The following SSBP2 variants were observed in gnomAD, a reference collection of about 807,000 sequenced individuals.
SSBP2 encodes the protein single stranded DNA binding protein 2.
A neutral mutation model predicts 61.8 loss-of-function variants in SSBP2; 17 were observed. The ratio of observed to expected loss-of-function variants is 0.28; its 90% CI spans 0.19 to 0.41. The LOEUF is 0.41. Ranked by LOEUF, SSBP2 falls within the 10% of genes least tolerant of loss-of-function variation. SSBP2 has a pLI of 1.00. For synonymous variants in SSBP2, 139 were observed against 141.3 expected (o/e 0.98, Z 0.12); for missense variants, 310 against 458.7 (o/e 0.68, Z 2.96).
intron 4 of SSBP2, among the ~76,000 whole-genome samples, chr5:81,523,227 CT>C (rs1317085034): frequency 2.0e-5 from 3 of 151,992 alleles, no homozygotes; most frequent in African/African-American, 7.2e-5. Context: ...CAAAAGGACT[CT>C]GATAAAAACA....
chr5:81,751,460 C>T (rs1049015589), upstream of SSBP2, among the ~76,000 whole-genome samples: 2 of 152,110 alleles, frequency 1.3e-5, no homozygotes, highest in Non-Finnish European at 2.9e-5. Context: ...CGCCCGCGCT[C>T]AGCTCCTCAC....
At chr5:81,536,276 CAA>C (rs1770793790) in intron 4 of SSBP2, among the ~76,000 whole-genome samples, 1 of 152,220 alleles carries the variant, frequency 6.6e-6, no homozygotes, top group African/African-American at 2.4e-5. Context: ...CTTCAAAATG[CAA>C]AAGATACAAC....
chr5:81,615,266 C>G, intron 4 of SSBP2: 1 of 540,218 alleles, frequency 1.9e-6, no homozygotes, highest in South Asian at 2.2e-5. Context: ...TAGAATTAGG[C>G]CTACGCTTTA....
intron 5 of SSBP2, among the ~76,000 whole-genome samples, chr5:81,493,546 C>T (rs1338042072): frequency 6.6e-6 from 1 of 152,072 alleles, no homozygotes; most frequent in Non-Finnish European, 1.5e-5. Context: ...ATGACGTCAG[C>T]AGTTCAAGGC....
rs867125917 is a variant in SSBP2, at chr5:81,740,977, T to C, written c.62+10004A>G. ...GATGAATATGCACATTCCCCTCCCA[T>C]CCTCATGCCACCTCCCACAACTTCC... is the stretch of plus-strand genomic sequence containing the variant. On this transcript the variant is annotated intron_variant, in intron 1 of 16. Transcript: ENST00000320672. Among the ~76,000 whole-genome samples, 6 of 152,182 alleles carry C rather than the reference T, an allele frequency of 3.9e-5. No homozygotes were observed. In the South Asian group the frequency reaches 8.3e-4, roughly 21 times the overall value.
Position 81,679,007 on chromosome 5 carries a change from T to A in SSBP2, c.63-28668A>T, listed in dbSNP as rs144367367. Among the ~76,000 whole-genome samples, 746 of 152,156 alleles carry A rather than the reference T, an allele frequency of 4.9e-3. 7 individuals are homozygous for A. The highest frequency in any genetic ancestry group is 0.025 in the South Asian group (123 of 4,826). ...GAATAAGTAAAGGTAAAATAAAATT[T>A]TTTATTTATTTATTTATTTTGAGAT... On this transcript the variant is annotated intron_variant, in intron 1 of 16. Transcript: ENST00000320672.
chr5:81,553,832 CTTCTT>C (rs1772391344), intron 4 of SSBP2, among the ~76,000 whole-genome samples: 2 of 151,664 alleles, frequency 1.3e-5, no homozygotes, highest in Admixed American at 1.3e-4. Context: ...TTTGCTTTCT[CTTCTT>C]TTCTTACCAT....
intron 3 of SSBP2, among the ~76,000 whole-genome samples, chr5:81,622,837 T>A (rs1581190704): frequency 6.6e-6 from 1 of 152,262 alleles, no homozygotes; most frequent in East Asian, 1.9e-4. Context: ...AAAGTTAAGT[T>A]CATAATTAAT....
intron 4 of SSBP2, among the ~76,000 whole-genome samples, chr5:81,519,620 T>C (rs984946144): frequency 6.6e-6 from 1 of 152,060 alleles, no homozygotes; most frequent in Non-Finnish European, 1.5e-5. Flanking sequence ...TCTCCTCCTA[T>C]TGTCTGGAAC....
At chr5:81,580,554 T>C (rs1239201827) in intron 4 of SSBP2, among the ~76,000 whole-genome samples, 2 of 152,152 alleles carry the variant, frequency 1.3e-5, no homozygotes, top group Non-Finnish European at 2.9e-5. Flanking sequence ...CCAGGTTTTA[T>C]TGCTTTTATC....
At chr5:81,484,513 C>A (rs1022803268) in intron 6 of SSBP2, among the ~76,000 whole-genome samples, 1 of 151,850 alleles carries the variant, frequency 6.6e-6, no homozygotes, top group Non-Finnish European at 1.5e-5. Context: ...TAAGAAAATA[C>A]TATATTTTAA....
At chr5:81,544,117 T>C (rs1479861424) in intron 4 of SSBP2, among the ~76,000 whole-genome samples, 1 of 152,170 alleles carries the variant, frequency 6.6e-6, no homozygotes. Flanking sequence ...TGGCGGGATC[T>C]CGGCTCACTG....
At chr5:81,441,804 A>G (rs1263072686) in intron 13 of SSBP2, among the ~76,000 whole-genome samples, 3 of 152,222 alleles carry the variant, frequency 2.0e-5, no homozygotes, top group African/African-American at 7.2e-5. Flanking sequence ...CCTCACTGAT[A>G]TAAGGCATAT....
At chr5:81,423,265 A>G (rs1446853692) in intron 16 of SSBP2, among the ~76,000 whole-genome samples, 1 of 152,238 alleles carries the variant, frequency 6.6e-6, no homozygotes, top group Non-Finnish European at 1.5e-5. Context: ...TACTGAGTTC[A>G]TGAAATGTAG....
chr5:81,571,035 T>C (rs1284355785), intron 4 of SSBP2, among the ~76,000 whole-genome samples: 1 of 152,234 alleles, frequency 6.6e-6, no homozygotes, highest in Non-Finnish European at 1.5e-5. Context: ...GACATATTTC[T>C]AGACAGTAGA....
In SSBP2 at chr5:81,417,024, G is replaced by T. The variant is rs1761335538; in HGVS notation, c.*3480C>A. The T allele has an allele frequency of 6.6e-6, 1 of 152,054 alleles. No homozygotes were observed. The highest frequency in any genetic ancestry group is 1.5e-5 in the Non-Finnish European group (1 of 68,052). 9.4% of individuals were successfully genotyped at this position (152,054 alleles called of 1,614,324 possible). ...TTACAGGCAGCCACCACCATACCTG[G>T]CTAATTTTTGTATTTTTAGTAGAGA... On this transcript the variant is annotated 3_prime_UTR_variant, in exon 17 of 17. Coordinates refer to ENST00000320672, the MANE Select transcript of SSBP2 (RefSeq NM_012446.5).
chr5:81,486,830 T>C (rs1290011899), intron 6 of SSBP2, among the ~76,000 whole-genome samples: 1 of 152,208 alleles, frequency 6.6e-6, no homozygotes, highest in Non-Finnish European at 1.5e-5. Context: ...CAGCTGCTAA[T>C]GTGAGAAAGA....
Position 81,442,682 on chromosome 5 carries a change from C to T in SSBP2, c.820G>A (p.Ala274Thr). ...GGTCTGTTAGGTCCAGGAGGTACTG[C>T]ATTCATTAAAGTATACATGTTATCA... Residue 274 changes from alanine (A) to threonine (T), a missense_variant, in exon 13 of 17, where the codon GCA becomes ACA. Ala to Thr is a moderately conservative substitution (Grantham distance 58). This residue lies in a region of SSBP2 where 209 missense variants were observed against 286.4 expected (regional missense o/e 0.73). Coordinates refer to ENST00000320672, the MANE Select transcript of SSBP2 (RefSeq NM_012446.5). 1 of 1,581,960 alleles carries T rather than the reference C, an allele frequency of 6.3e-7. No individual in the cohort carries two copies. Among genetic ancestry groups the T allele is most frequent in the East Asian group, 2.3e-5 (1 of 43,966 alleles).
At chr5:81,696,705 A>G (rs1336473246) in intron 1 of SSBP2, among the ~76,000 whole-genome samples, 1 of 152,224 alleles carries the variant, frequency 6.6e-6, no homozygotes, top group Non-Finnish European at 1.5e-5. Context: ...AAGCTAATTT[A>G]CATACCACCT....
Sources: gnomAD v4.1 joint callset for allele counts (sites outside exome capture counted in the v4.1 genomes callset) on GRCh38, gnomAD v4.1.1 for gene constraint, gnomAD v4.1.1 regional missense constraint, MANE v1.5 for transcripts, NCBI Gene and HGNC (gene_info 2026-07-23, HGNC 2026-07-21) for gene names.